Variants in HSPA4 observed in about 807,000 individuals in gnomAD.
HSPA4 encodes heat shock 70 kDa protein 4.
A neutral mutation model predicts 106.2 loss-of-function variants in HSPA4; 25 were observed. The observed-to-expected ratio is 0.24, with a 90% CI of 0.17 to 0.33. The LOEUF (loss-of-function observed/expected upper bound fraction) is 0.33, where lower values mean the gene tolerates loss of function less well. Ranked by LOEUF, HSPA4 falls within the 10% of genes least tolerant of loss-of-function variation. The pLI is 1.00. For synonymous variants in HSPA4, 332 were observed against 333.6 expected (o/e 1.00, Z 0.05); for missense variants, 841 against 996.0 (o/e 0.84, Z 2.10).
intron 1 of HSPA4, among the ~76,000 whole-genome samples, chr5:133,057,134 T>G (rs1765174819): frequency 6.6e-6 from 1 of 152,318 alleles, no homozygotes; most frequent in Non-Finnish European, 1.5e-5. Flanking sequence ...ATGAGTTGTT[T>G]GGTCTGTTGG....
chr5:133,058,585 T>A (rs1765197127), intron 1 of HSPA4, among the ~76,000 whole-genome samples: 1 of 150,186 alleles, frequency 6.7e-6, no homozygotes, highest in Non-Finnish European at 1.5e-5. Flanking sequence ...GGCTGAGGCA[T>A]GAGAATTGCT....
chr5:133,102,913 C>CTTTTTTTTTTTTTTTTTTTTTTTT (rs533273263), intron 17 of HSPA4, among the ~76,000 whole-genome samples: 8 of 103,296 alleles, frequency 7.7e-5, no homozygotes, highest in Non-Finnish European at 1.3e-4. Context: ...CTAGGGTTGT[C>CTTTTTTTTTTTTTTTTTTTTTTTT]TTTTTTTTTT....
intron 1 of HSPA4, among the ~76,000 whole-genome samples, chr5:133,059,641 G>A (rs908909240): frequency 2.6e-5 from 4 of 152,102 alleles, no homozygotes; most frequent in Non-Finnish European, 4.4e-5. Flanking sequence ...TCCAAAATGT[G>A]TGTATACGTG....
In HSPA4 at chr5:133,099,411, G is replaced by T. The variant is rs6898249; in HGVS notation, c.1930-134G>T. 4.5e-5 allele frequency: 18 copies of T among 401,580 alleles called. No individual in the cohort carries two copies. In the East Asian group the frequency reaches 5.8e-4, roughly 13 times the overall value. 24.9% of individuals were successfully genotyped at this position (401,580 alleles called of 1,614,324 possible). A position where few individuals can be genotyped will look rare whatever the true frequency, so the allele number is the denominator to read the frequency against. On this transcript the variant is annotated intron_variant, in intron 15 of 18. Transcript: ENST00000304858. ...GCCTCCCAAAGTGCTGGGATTACAA[G>T]TGTGAGCCACTGCACCTGGCTGCCC...
At chr5:133,072,244 A>G (rs904511763) in intron 4 of HSPA4, among the ~76,000 whole-genome samples, 1 of 152,168 alleles carries the variant, frequency 6.6e-6, no homozygotes, top group African/African-American at 2.4e-5. Context: ...CAAAATCAAC[A>G]AAGGGAAAAG....
rs919835907 is a variant in HSPA4, at chr5:133,096,006, A to G, written c.1651-92A>G. ...ATCATCATCAAAAGAGAACGAAGTAAAAAAAGCAAAAACAGTTTTCCAACA... is the reference window on the plus strand; with the variant it reads ...ATCATCATCAAAAGAGAACGAAGTAGAAAAAGCAAAAACAGTTTTCCAACA... On this transcript the variant is annotated intron_variant, in intron 13 of 18. Transcript: ENST00000304858. 5.3e-6 allele frequency: 6 copies of G among 1,138,052 alleles called. No individual in the cohort carries two copies. The African/African-American group carries it at 9.5e-5, about 18-fold the overall frequency. 70.5% of individuals were successfully genotyped at this position (1,138,052 alleles called of 1,614,324 possible).
At chr5:133,064,011 C>G (rs1379544727) in intron 1 of HSPA4, among the ~76,000 whole-genome samples, 1 of 152,184 alleles carries the variant, frequency 6.6e-6, no homozygotes, top group African/African-American at 2.4e-5. Flanking sequence ...ATCCGCCTGC[C>G]TCAGCCCGCC....
chr5:133,084,857 G>A (rs1166950145), intron 7 of HSPA4, among the ~76,000 whole-genome samples: 2 of 151,988 alleles, frequency 1.3e-5, no homozygotes, highest in Non-Finnish European at 2.9e-5. Flanking sequence ...GCCCAGGCTG[G>A]AGTGCAATGG....
At position 133,103,965 on chromosome 5, in the gene HSPA4, A is replaced by G. The variant is rs764045411; in HGVS notation, c.2258A>G (p.Asn753Ser). 6.7e-5 allele frequency: 108 copies of G among 1,613,832 alleles called. No homozygotes were observed. Among genetic ancestry groups the G allele is most frequent in the Non-Finnish European group, 8.6e-5 (102 of 1,179,860 alleles). Residue 753 changes from asparagine to serine, a missense_variant, in exon 18 of 19, where the codon AAC becomes AGC. Physicochemically the swap from Asn to Ser is conservative, Grantham distance 46. Transcript: ENST00000304858. Reference sequence around the variant, plus strand: ...ATGAATAACAAGCTAAATCTGCAGAACAAGCAGAGTTTGACCATGGATCCA... The same window carrying G: ...ATGAATAACAAGCTAAATCTGCAGAGCAAGCAGAGTTTGACCATGGATCCA... ...EWMNNKLNLQ[N>S]KQSLTMDPVV... is the part of the protein sequence containing the mutation.
At chr5:133,057,861 C>T (rs1765187436) in intron 1 of HSPA4, among the ~76,000 whole-genome samples, 2 of 152,272 alleles carry the variant, frequency 1.3e-5, no homozygotes, top group African/African-American at 4.8e-5. Context: ...GATAGAGATT[C>T]CTGCTGTCTA....
chr5:133,080,989 TCTCCATTTCC>T (rs1335743764), intron 7 of HSPA4, among the ~76,000 whole-genome samples: 1 of 152,186 alleles, frequency 6.6e-6, no homozygotes, highest in East Asian at 1.9e-4. Context: ...TAGCATTTAC[TCTCCATTTCC>T]CTCCATACCC....
chr5:133,077,297 G>A (rs964447168), intron 7 of HSPA4, among the ~76,000 whole-genome samples: 1 of 152,050 alleles, frequency 6.6e-6, no homozygotes, highest in Non-Finnish European at 1.5e-5. Context: ...GGAGTAAAGT[G>A]GCACAATCTC....
At chr5:133,053,336 T>TA (rs1346707740) in intron 1 of HSPA4, among the ~76,000 whole-genome samples, 17 of 149,754 alleles carry the variant, frequency 1.1e-4, no homozygotes, top group African/African-American at 3.9e-4. Context: ...TTCTTTTTTT[T>TA]TTTTTTTTTT....
At position 133,076,542 on chromosome 5, in the gene HSPA4, A is replaced by G; in HGVS notation, c.664-112A>G. The G allele has an allele frequency of 4.3e-6, 4 of 920,616 alleles. No homozygotes were observed. The South Asian group carries it at 6.8e-5, about 16-fold the overall frequency. The allele number at this position is 920,616 out of a possible 1,614,324, so 57.0% of individuals were successfully genotyped here. A position where few individuals can be genotyped will look rare whatever the true frequency, so the allele number is the denominator to read the frequency against. ...GTATACATTGCTTTGTTTTAACCTT[A>G]ATGTAACCCTCCCTCTTTTTTTTTA... On this transcript the variant is annotated intron_variant, in intron 6 of 18. Transcript: ENST00000304858.
chr5:133,092,806 G>GTTTTTTTTGTTTT lies in HSPA4; in HGVS notation c.1650+25_1650+26insGTTTTTTTTTTTT, dbSNP rs1765662599. ...GAAATGGAGGTATGCATTGGGTGGTGTTTTTTTTTTTTTTTTTTTTTTTTT... is the reference window on the plus strand; with the variant it reads ...GAAATGGAGGTATGCATTGGGTGGTGTTTTTTTTGTTTTTTTTTTTTTTTTTTTTTTTTTTTTT... On this transcript the variant is annotated intron_variant, in intron 13 of 18. Coordinates refer to ENST00000304858, the MANE Select transcript of HSPA4 (RefSeq NM_002154.4). The GTTTTTTTTGTTTT allele has an allele frequency of 2.2e-4, 104 of 474,036 alleles. 3 individuals are homozygous for GTTTTTTTTGTTTT. In the African/African-American group the frequency reaches 3.5e-3, roughly 16 times the overall value. The allele number at this position is 474,036 out of a possible 1,614,324, so 29.4% of individuals were successfully genotyped here. A position where few individuals can be genotyped will look rare whatever the true frequency, so the allele number is the denominator to read the frequency against.
intron 7 of HSPA4, among the ~76,000 whole-genome samples, chr5:133,081,184 A>T (rs777795313): frequency 1.3e-5 from 2 of 152,150 alleles, no homozygotes; most frequent in Non-Finnish European, 2.9e-5. Context: ...AGTAGCTGGA[A>T]TTACAGGTGG....
chr5:133,077,132 C>T (rs1317212656), intron 7 of HSPA4, among the ~76,000 whole-genome samples: 1 of 152,098 alleles, frequency 6.6e-6, no homozygotes, highest in Non-Finnish European at 1.5e-5. Context: ...GTTGATAGTT[C>T]TTTACATATG....
At chr5:133,080,506 G>A (rs879794001) in intron 7 of HSPA4, among the ~76,000 whole-genome samples, 4 of 149,152 alleles carry the variant, frequency 2.7e-5, no homozygotes, top group Non-Finnish European at 4.4e-5. Flanking sequence ...TTCCAGGTAC[G>A]CAGTGTGCCT....
intron 13 of HSPA4, among the ~76,000 whole-genome samples, chr5:133,093,822 C>T (rs1765679767): frequency 6.6e-6 from 1 of 152,120 alleles, no homozygotes; most frequent in African/African-American, 2.4e-5. Flanking sequence ...GGGCCTGGTT[C>T]AGTGGTTCAT....
Sources: gnomAD v4.1 joint callset for allele counts (sites outside exome capture counted in the v4.1 genomes callset) on GRCh38, gnomAD v4.1.1 for gene constraint, MANE v1.5 for transcripts, NCBI Gene and HGNC (gene_info 2026-07-23, HGNC 2026-07-21) for gene names.